IFNAR1: variants seen among roughly 807,000 people sequenced by gnomAD.
IFNAR1 encodes interferon alpha/beta receptor 1.
IFNAR1 carries 47 observed loss-of-function variants against 62.1 expected under a neutral mutation model. The ratio of observed to expected loss-of-function variants is 0.76; its 90% CI spans 0.60 to 0.97. The LOEUF is 0.97. Ranked by LOEUF, IFNAR1 falls within the 50% of genes least tolerant of loss-of-function variation. The pLI is 0.00. For missense variants in IFNAR1, 638 were observed against 654.5 expected (o/e 0.97, Z 0.27); for synonymous variants, 219 against 226.9 (o/e 0.97, Z 0.31).
chr21:33,353,000 C>T, intron 9 of IFNAR1, 92 bp downstream of exon 9: 2 of 801,696 alleles, frequency 2.5e-6, no homozygotes, highest in South Asian at 7.5e-5. Flanking sequence ...AACATTTTCT[C>T]TTTACTGCAA....
upstream of IFNAR1, chr21:33,324,807 G>A: frequency 1.8e-6 from 1 of 546,136 alleles, no homozygotes; most frequent in South Asian, 2.3e-5. Flanking sequence ...GCTGCAATTA[G>A]GATGGGGCAA....
Position 33,355,381 on chromosome 21 carries a change from T to A in IFNAR1, c.1506T>A (p.Cys502Ter), listed in dbSNP as rs1226153074. The A allele has an allele frequency of 6.2e-7, 1 of 1,604,422 alleles. No individual in the cohort carries two copies. The change falls in exon 11 of 11, where the codon TGT (cysteine) becomes TGA (stop). Residue 502 changes from cysteine (C) to a stop codon, truncating the protein, a stop_gained. Coordinates refer to ENST00000270139, the MANE Select transcript of IFNAR1 (RefSeq NM_000629.3). LOFTEE classifies it high-confidence loss of function. ...LSTSEEQIEK[C>*]FIIENISTIA... Reference sequence around the variant, plus strand: ...CTTCTGAGGAACAAATCGAAAAATGTTTCATAATTGAAAATATAAGCACAA... The same window carrying A: ...CTTCTGAGGAACAAATCGAAAAATGATTCATAATTGAAAATATAAGCACAA...
rs371123977 is a variant in IFNAR1 at position 33,352,769 on chromosome 21, C to T, written c.1155C>T (p.Ile385=). 4 of 1,499,072 alleles carry T rather than the reference C, an allele frequency of 2.7e-6. No homozygotes were observed. The African/African-American group carries it at 4.2e-5, about 16-fold the overall frequency. 92.9% of individuals were successfully genotyped at this position (1,499,072 alleles called of 1,614,324 possible). The change falls in exon 9 of 11, where the codon ATC becomes ATT. Residue 385 remains isoleucine (I), a synonymous_variant. Transcript: ENST00000270139. ...ATTATATTTTCTAGAGAAAAATTAT[C>T]GAGAAAAAAACTGATGTTACAGTTC... ...ENTSNAERKI[I]EKKTDVTVPN...
rs59240203 is a variant in IFNAR1, at chr21:33,333,614, A to ATTTTTTTTTTTTTTTTTTTTTTTTTTT, written c.77-1899_77-1898insTTTTTTTTTTTTTTTTTTTTTTTTTTT. Reference sequence around the variant, plus strand: ...CCATACTTAAAGAGACTGGCGGAATATTTTTTTTTTTCTTTTTTTTTTTTT... The same window carrying ATTTTTTTTTTTTTTTTTTTTTTTTTTT: ...CCATACTTAAAGAGACTGGCGGAATATTTTTTTTTTTTTTTTTTTTTTTTTTTTTTTTTTTTTTCTTTTTTTTTTTTT... On this transcript the variant is annotated intron_variant, in intron 1 of 10. Coordinates refer to ENST00000270139, the MANE Select transcript of IFNAR1 (RefSeq NM_000629.3). Among the ~76,000 whole-genome samples, 33 of 106,986 alleles carry ATTTTTTTTTTTTTTTTTTTTTTTTTTT rather than the reference A, an allele frequency of 3.1e-4. 3 individuals are homozygous for ATTTTTTTTTTTTTTTTTTTTTTTTTTT. Among genetic ancestry groups the ATTTTTTTTTTTTTTTTTTTTTTTTTTT allele is most frequent in the African/African-American group, 1.2e-3 (29 of 24,420 alleles). The allele number at this position is 106,986 out of a possible 152,430, so 70.2% of individuals were successfully genotyped here.
chr21:33,324,989 C>A lies in IFNAR1; in HGVS notation c.-67C>A, dbSNP rs938290079. On this transcript the variant is annotated 5_prime_UTR_variant, in exon 1 of 11. Transcript: ENST00000270139. ...AGGGGCGGTGTGACTTAGGACGGGG[C>A]GATGGCGGCTGAGAGGAGCTGCGCG... The A allele has an allele frequency of 7.1e-7, 1 of 1,412,794 alleles. No homozygotes were observed. Among genetic ancestry groups the A allele is most frequent in the Non-Finnish European group, 9.8e-7 (1 of 1,023,602 alleles). 87.5% of individuals were successfully genotyped at this position (1,412,794 alleles called of 1,614,324 possible).
chr21:33,339,197 A>G (rs2083272118), intron 2 of IFNAR1, among the ~76,000 whole-genome samples: 1 of 152,204 alleles, frequency 6.6e-6, no homozygotes, highest in African/African-American at 2.4e-5. Context: ...TAAGTTTTAA[A>G]TTTTTGATAA....
Position 33,343,540 on chromosome 21 carries a change from G to T in IFNAR1, c.537G>T (p.Arg179Ser), listed in dbSNP as rs777409115. The T allele has an allele frequency of 1.3e-6, 2 of 1,535,734 alleles. No individual in the cohort carries two copies. Among genetic ancestry groups the T allele is most frequent in the East Asian group, 2.3e-5 (1 of 44,416 alleles). ...AACTTATATTTGTGTTATAGGAAAGGATTGAAAATATTTATTCCAGACATA... is the reference window on the plus strand; with the variant it reads ...AACTTATATTTGTGTTATAGGAAAGTATTGAAAATATTTATTCCAGACATA... ...IWKNSSGVEERIENIYSRHKI... is the reference protein window; with the variant it reads ...IWKNSSGVEESIENIYSRHKI... The change falls in exon 5 of 11, where the codon AGG becomes AGT. Residue 179 changes from arginine (R) to serine (S), a missense_variant. Arg to Ser is a moderately radical substitution (Grantham distance 110). Transcript: ENST00000270139.
Position 33,355,882 on chromosome 21 carries a change from GGC to G in IFNAR1, c.*340_*341del. On this transcript the variant is annotated 3_prime_UTR_variant, in exon 11 of 11. Coordinates refer to ENST00000270139, the MANE Select transcript of IFNAR1 (RefSeq NM_000629.3). ...AATACAAAAATTAGCCGGGTGTGGTGGCGCGCGCCTGTTGTCTTAGCTACTCA... is the reference window on the plus strand; with the variant it reads ...AATACAAAAATTAGCCGGGTGTGGTGGCGCGCCTGTTGTCTTAGCTACTCA... 6.2e-6 allele frequency: 1 copy of G among 160,052 alleles called. No homozygotes were observed. The highest frequency in any genetic ancestry group is 1.4e-5 in the Non-Finnish European group (1 of 72,960). The allele number at this position is 160,052 out of a possible 1,614,324, so 9.9% of individuals were successfully genotyped here.
chr21:33,358,919 C>T lies in IFNAR1; in HGVS notation c.*3370C>T, dbSNP rs1053293495. On this transcript the variant is annotated 3_prime_UTR_variant, in exon 11 of 11. Transcript: ENST00000270139. ...TGATATTTGCAGCAGCCTCAAATTGCTCTTAAGGGGTTTAGGTGTGCAGAA... is the reference window on the plus strand; with the variant it reads ...TGATATTTGCAGCAGCCTCAAATTGTTCTTAAGGGGTTTAGGTGTGCAGAA... 1 of 151,936 alleles carries T rather than the reference C, an allele frequency of 6.6e-6. No homozygotes were observed. Among genetic ancestry groups the T allele is most frequent in the Non-Finnish European group, 1.5e-5 (1 of 67,996 alleles). 9.4% of individuals were successfully genotyped at this position (151,936 alleles called of 1,614,324 possible).
In IFNAR1 at chr21:33,343,282, C is replaced by G. The variant is rs772951896; in HGVS notation, c.391C>G (p.Pro131Ala). The G allele has an allele frequency of 2.5e-6, 4 of 1,612,418 alleles. No individual in the cohort carries two copies. The highest frequency in any genetic ancestry group is 3.4e-6 in the Non-Finnish European group (4 of 1,179,370). Residue 131 changes from proline (P) to alanine (A), a missense_variant, in exon 4 of 11, where the codon CCA (proline) becomes GCA (alanine). Transcript: ENST00000270139. Reference sequence around the variant, plus strand: ...TTTTTTTGCAGCTCAGATTGGTCCTCCAGAAGTACATTTAGAAGCTGAAGA... The same window carrying G: ...TTTTTTTGCAGCTCAGATTGGTCCTGCAGAAGTACATTTAGAAGCTGAAGA... ...TPFRKAQIGP[P>A]EVHLEAEDKA...
At chr21:33,350,589 G>A (rs1359541224) in intron 8 of IFNAR1, among the ~76,000 whole-genome samples, 6 of 152,082 alleles carry the variant, frequency 3.9e-5, no homozygotes, top group Non-Finnish European at 5.9e-5. Flanking sequence ...AATATATACC[G>A]TCAGATAATA....
intron 2 of IFNAR1, among the ~76,000 whole-genome samples, chr21:33,337,654 G>A (rs971780594): frequency 3.6e-5 from 2 of 55,208 alleles, no homozygotes; most frequent in African/African-American, 7.7e-5. Context: ...TATACATACT[G>A]TATATATACA....
In IFNAR1 at chr21:33,325,847, TG is replaced by T. The variant is rs1166401810; in HGVS notation, c.76+719del. On this transcript the variant is annotated intron_variant, in intron 1 of 10. Transcript: ENST00000270139. ...AGGGAGTCAGTTATGCAGATGCCTCTGGGTAGATGGAGTCTTGACTTTGTTT... is the reference window on the plus strand; with the variant it reads ...AGGGAGTCAGTTATGCAGATGCCTCTGGTAGATGGAGTCTTGACTTTGTTT... Among the ~76,000 whole-genome samples the T allele has an allele frequency of 2.0e-5, 3 of 152,198 alleles. No homozygotes were observed. The East Asian group carries it at 5.8e-4, about 29-fold the overall frequency.
At chr21:33,352,503 T>C (rs1002804527) in intron 8 of IFNAR1, among the ~76,000 whole-genome samples, 40 of 150,148 alleles carry the variant, frequency 2.7e-4, no homozygotes, top group African/African-American at 9.3e-4. Flanking sequence ...CTCAGGAGGG[T>C]GAGGCAGGAG....
At position 33,358,599 on chromosome 21, in the gene IFNAR1, A is replaced by T. The variant is rs1044460055; in HGVS notation, c.*3050A>T. 6.6e-6 allele frequency: 1 copy of T among 152,180 alleles called. No individual in the cohort carries two copies. Among genetic ancestry groups the T allele is most frequent in the Non-Finnish European group, 1.5e-5 (1 of 68,026 alleles). 9.4% of individuals were successfully genotyped at this position (152,180 alleles called of 1,614,324 possible). ...TATTCCTTTAGTATGGACTTAAAGT[A>T]CTTATTCATATACCTTGTAACTAAA... On this transcript the variant is annotated 3_prime_UTR_variant, in exon 11 of 11. Transcript: ENST00000270139.
intron 1 of IFNAR1, chr21:33,334,834 C>G: frequency 1.0e-6 from 1 of 979,458 alleles, no homozygotes; most frequent in South Asian, 1.3e-5. Flanking sequence ...AGGTGGTGAT[C>G]CAGGGTGATA....
At chr21:33,333,889 C>T (rs995978127) in intron 1 of IFNAR1, among the ~76,000 whole-genome samples, 7 of 151,968 alleles carry the variant, frequency 4.6e-5, no homozygotes, top group Non-Finnish European at 7.4e-5. Flanking sequence ...TCCCAAAGTG[C>T]GGAATATTTT....
intron 3 of IFNAR1, among the ~76,000 whole-genome samples, chr21:33,342,706 A>C (rs1243806740): frequency 6.7e-6 from 1 of 148,830 alleles, no homozygotes; most frequent in Non-Finnish European, 1.5e-5. Flanking sequence ...AAAAAAAAAA[A>C]ACTAGCCGGG....
chr21:33,342,888 A>C (rs560715701), intron 3 of IFNAR1, among the ~76,000 whole-genome samples: 1 of 152,116 alleles, frequency 6.6e-6, no homozygotes, highest in Non-Finnish European at 1.5e-5. Flanking sequence ...CACTCTTCTC[A>C]AGGTCACAGC....
Sources: allele counts gnomAD v4.1 joint callset (sites outside exome capture counted in the v4.1 genomes callset), GRCh38; gene constraint gnomAD v4.1.1; transcripts MANE v1.5; gene names NCBI Gene and HGNC (gene_info 2026-07-23, HGNC 2026-07-21).